AFF3: variants seen among roughly 807,000 people sequenced by gnomAD.
The protein encoded by AFF3 is AF4/FMR2 family member 3.
Under a neutral mutation model 129.7 loss-of-function variants are expected in AFF3, and 32 were observed. That is an observed-to-expected ratio of 0.25 (90% CI 0.19 to 0.33). The LOEUF is 0.33. AFF3 is among the 10% of genes least tolerant of loss of function. The pLI is 1.00. For missense variants in AFF3, 1,373 were observed against 1,592.0 expected (o/e 0.86, Z 2.34); for synonymous variants, 644 against 635.4 (o/e 1.01, Z -0.20).
chr2:99,917,519 C>T (rs1695554415), intron 7 of AFF3, among the ~76,000 whole-genome samples: 1 of 152,184 alleles, frequency 6.6e-6, no homozygotes, highest in Non-Finnish European at 1.5e-5. Context: ...CTCGCCTTGT[C>T]TCCCTCTAAG....
intron 4 of AFF3, among the ~76,000 whole-genome samples, chr2:100,064,802 A>G (rs1158106069): frequency 1.3e-5 from 2 of 152,234 alleles, no homozygotes; most frequent in African/African-American, 4.8e-5. Flanking sequence ...ATTAACTGCC[A>G]ACTCATTGTG....
In AFF3 at chr2:99,593,274, T is replaced by A. The variant is rs1406317056; in HGVS notation, c.2387A>T (p.Asp796Val). The A allele has an allele frequency of 6.2e-7, 1 of 1,613,572 alleles. No homozygotes were observed. Among genetic ancestry groups the A allele is most frequent in the South Asian group, 1.1e-5 (1 of 91,066 alleles). ...PGVLSAPATKDSESAPPSHTS... is the reference protein window; with the variant it reads ...PGVLSAPATKVSESAPPSHTS... ...GTGGCTGGGCGGTGCGCTCTCAGAG[T>A]CCTTGGTGGCAGGGGCGCTCAATAC... The change falls in exon 15 of 25, where the codon GAC becomes GTC. Residue 796 changes from aspartate (D) to valine (V), a missense_variant. This residue lies in a region of AFF3 where 466 missense variants were observed against 505.0 expected (regional missense o/e 0.92). Coordinates refer to ENST00000672756, the MANE Select transcript of AFF3 (RefSeq NM_001386135.1).
At chr2:99,716,178 C>A (rs1365829533) in intron 11 of AFF3, among the ~76,000 whole-genome samples, 2 of 152,132 alleles carry the variant, frequency 1.3e-5, no homozygotes, top group African/African-American at 4.8e-5. Context: ...TCTTGGAAAT[C>A]TTCATCTGCT....
chr2:99,998,481 A>G (rs1576511151), intron 7 of AFF3, among the ~76,000 whole-genome samples: 1 of 151,716 alleles, frequency 6.6e-6, no homozygotes, highest in South Asian at 2.1e-4. Flanking sequence ...GATATCCAAG[A>G]ATGGGGGAGA....
At chr2:99,950,826 G>T (rs922672273) in intron 7 of AFF3, among the ~76,000 whole-genome samples, 1 of 152,076 alleles carries the variant, frequency 6.6e-6, no homozygotes, top group African/African-American at 2.4e-5. Flanking sequence ...AGCTGAAAAC[G>T]TACTTCCTAT....
rs146086786 is a variant in AFF3 at position 99,803,657 on chromosome 2, C to T, written c.921+33820G>A. 5.1e-4 allele frequency among the ~76,000 whole-genome samples: 78 copies of T among 152,220 alleles called. 1 individual carries two copies. In the East Asian group the frequency reaches 0.012, roughly 23 times the overall value. Reference sequence around the variant, plus strand: ...TAAGCAAAAAGAACAAAGCCAGAGGCATCACACGACATGACTTCAAACTAT... The same window carrying T: ...TAAGCAAAAAGAACAAAGCCAGAGGTATCACACGACATGACTTCAAACTAT... On this transcript the variant is annotated intron_variant, in intron 8 of 24. Coordinates refer to ENST00000672756, the MANE Select transcript of AFF3 (RefSeq NM_001386135.1).
chr2:100,134,443 A>G (rs759074896), intron 1 of AFF3, among the ~76,000 whole-genome samples: 3 of 152,132 alleles, frequency 2.0e-5, no homozygotes, highest in Non-Finnish European at 2.9e-5. Flanking sequence ...GTCATTATAT[A>G]TTGAAGTATT....
intron 7 of AFF3, among the ~76,000 whole-genome samples, chr2:99,867,228 A>G (rs1036350152): frequency 4.6e-5 from 7 of 152,018 alleles, no homozygotes; most frequent in Admixed American, 2.0e-4. Context: ...GAGAAAATTA[A>G]AGTTAGCAAC....
intron 8 of AFF3, among the ~76,000 whole-genome samples, chr2:99,768,996 T>A (rs886466238): frequency 6.6e-6 from 1 of 152,222 alleles, no homozygotes; most frequent in Non-Finnish European, 1.5e-5. Context: ...TTAAATCTCC[T>A]TGGTGGTCTC....
chr2:100,114,929 T>C (rs1691678941), intron 2 of AFF3, among the ~76,000 whole-genome samples: 1 of 152,268 alleles, frequency 6.6e-6, no homozygotes, highest in East Asian at 1.9e-4. Flanking sequence ...AAGTACGTGA[T>C]TGGGGTGGAA....
At chr2:99,825,137 C>T (rs772869780) in intron 8 of AFF3, among the ~76,000 whole-genome samples, 5 of 151,972 alleles carry the variant, frequency 3.3e-5, no homozygotes, top group East Asian at 1.9e-4. Flanking sequence ...TTTATCAGAA[C>T]GTATAAAACG....
At chr2:99,710,141 T>C (rs1019128925) in intron 11 of AFF3, among the ~76,000 whole-genome samples, 3 of 152,266 alleles carry the variant, frequency 2.0e-5, no homozygotes, top group African/African-American at 7.2e-5. Flanking sequence ...CTGATTCATG[T>C]ATAGGGTGAT....
intron 10 of AFF3, among the ~76,000 whole-genome samples, chr2:99,732,428 T>G (rs1168270583): frequency 6.6e-6 from 1 of 151,800 alleles, no homozygotes; most frequent in Non-Finnish European, 1.5e-5. Context: ...TAACCGCCTA[T>G]GTATGTATTA....
intron 7 of AFF3, among the ~76,000 whole-genome samples, chr2:99,893,467 T>C (rs1181010061): frequency 6.6e-6 from 1 of 152,130 alleles, no homozygotes; most frequent in African/African-American, 2.4e-5. Context: ...GTAATTCGGG[T>C]TGGATCAGAT....
intron 12 of AFF3, among the ~76,000 whole-genome samples, chr2:99,654,182 C>T (rs1685543061): frequency 6.6e-6 from 1 of 152,152 alleles, no homozygotes; most frequent in Non-Finnish European, 1.5e-5. Flanking sequence ...GCCTGGCCTG[C>T]TCTGCTATTT....
rs141993040 is a variant in AFF3 at position 100,051,102 on chromosome 2, C to T, written c.54-42170G>A. On this transcript the variant is annotated intron_variant, in intron 4 of 24. Transcript: ENST00000672756. ...TTACAAGAGTCCTGATTTCTCCCCACGGCAAAGCCCATTTCTTCCACCTCA... is the reference window on the plus strand; with the variant it reads ...TTACAAGAGTCCTGATTTCTCCCCATGGCAAAGCCCATTTCTTCCACCTCA... 1.2e-3 allele frequency among the ~76,000 whole-genome samples: 188 copies of T among 152,270 alleles called. 1 individual carries two copies. The highest frequency in any genetic ancestry group is 4.1e-3 in the African/African-American group (171 of 41,554).
At chr2:99,935,697 C>T (rs1458402547) in intron 7 of AFF3, among the ~76,000 whole-genome samples, 1 of 152,198 alleles carries the variant, frequency 6.6e-6, no homozygotes, top group African/African-American at 2.4e-5. Context: ...TAGACCATAT[C>T]AAAGAGCTAT....
chr2:99,692,276 T>G (rs1206539479), intron 11 of AFF3, among the ~76,000 whole-genome samples: 1 of 152,212 alleles, frequency 6.6e-6, no homozygotes, highest in Non-Finnish European at 1.5e-5. Context: ...TAACTCTGAT[T>G]TGGCCCTTGT....
intron 10 of AFF3, among the ~76,000 whole-genome samples, chr2:99,730,516 C>CTTTTTT (rs1448325264): frequency 7.1e-6 from 1 of 140,514 alleles, no homozygotes; most frequent in Non-Finnish European, 1.5e-5. Context: ...TATACTGCAA[C>CTTTTTT]TTTTTTTTTT....
Sources: allele counts gnomAD v4.1 joint callset (sites outside exome capture counted in the v4.1 genomes callset), GRCh38; gene constraint gnomAD v4.1.1; regional missense constraint gnomAD v4.1.1; transcripts MANE v1.5; gene names NCBI Gene and HGNC (gene_info 2026-07-23, HGNC 2026-07-21).